CASP9: variants seen among roughly 807,000 people sequenced by gnomAD.
CASP9 encodes caspase 9, also known as caspase-9.
CASP9 carries 29 observed loss-of-function variants against 43.5 expected under a neutral mutation model. The observed-to-expected ratio is 0.67, with a 90% CI of 0.50 to 0.91. The LOEUF is 0.91. CASP9 is among the 40% of genes least tolerant of loss of function. CASP9 has a pLI of 0.00. For synonymous variants in CASP9, 206 were observed against 211.9 expected (o/e 0.97, Z 0.24); for missense variants, 575 against 537.4 (o/e 1.07, Z -0.69).
intron 8 of CASP9, chr1:15,493,346 G>T (rs934424346): frequency 7.2e-6 from 9 of 1,251,776 alleles, no homozygotes; most frequent in Middle Eastern, 3.1e-4. Flanking sequence ...GCCCATACAT[G>T]CTGCCTCCCA....
At chr1:15,516,295 GC>G (rs907766021) in intron 2 of CASP9, among the ~76,000 whole-genome samples, 13 of 150,654 alleles carry the variant, frequency 8.6e-5, no homozygotes, top group African/African-American at 3.2e-4. Flanking sequence ...ATCAAGACCA[GC>G]CTGGGCCACA....
In CASP9 at chr1:15,493,782, T is replaced by C. The variant is rs1443080400; in HGVS notation, c.1158+110A>G. 3.3e-6 allele frequency: 5 copies of C among 1,536,234 alleles called. 1 individual carries two copies. The highest frequency in any genetic ancestry group is 1.4e-5 in the African/African-American group (1 of 72,114). On this transcript the variant is annotated intron_variant, in intron 8 of 8. Coordinates refer to ENST00000333868, the MANE Select transcript of CASP9 (RefSeq NM_001229.5). ...GGCTCAGAGGCAGGAGTCTACTACCTTTTACCCTTGGTTTGGGCCTGCCCT... is the reference window on the plus strand; with the variant it reads ...GGCTCAGAGGCAGGAGTCTACTACCCTTTACCCTTGGTTTGGGCCTGCCCT...
chr1:15,505,983 T>C lies in CASP9; in HGVS notation c.720+7A>G. On this transcript the variant is annotated splice_region_variant and intron_variant, in intron 5 of 8. Coordinates refer to ENST00000333868, the MANE Select transcript of CASP9 (RefSeq NM_001229.5). The stretch of plus-strand genomic sequence containing the variant: ...GCCTGCCCAGGGAACAGTGGGAGGC[T>C]TCCTACCTGACAGCCGTGAGAGAGA... 6.2e-7 allele frequency: 1 copy of C among 1,612,270 alleles called. No individual in the cohort carries two copies. The highest frequency in any genetic ancestry group is 8.5e-7 in the Non-Finnish European group (1 of 1,178,282).
At chr1:15,524,533 T>G, upstream of CASP9, 6 of 306,460 alleles carry the variant, frequency 2.0e-5, no homozygotes, top group Non-Finnish European at 2.6e-5. Flanking sequence ...CGCTCCAGAA[T>G]CCACCACTGC....
chr1:15,508,917 G>A (rs1055032672), intron 2 of CASP9, among the ~76,000 whole-genome samples: 3 of 152,196 alleles, frequency 2.0e-5, no homozygotes, highest in African/African-American at 7.2e-5. Context: ...ACATGGCACT[G>A]GCCAGGTAGA....
Position 15,506,930 on chromosome 1 carries a change from A to C in CASP9, c.599T>G (p.Met200Arg). The change falls in exon 4 of 9, where the codon ATG becomes AGG. Residue 200 changes from methionine to arginine, a missense_variant. By Grantham distance (91) the Met-to-Arg change is moderately conservative. Transcript: ENST00000333868. ...AGTCAGGTCGCCCTTCACCTCCACC[A>C]TGAAATGCAGCGAGGAGAAGCGACG... ...LRRRFSSLHFMVEVKGDLTAK... is the reference protein window; with the variant it reads ...LRRRFSSLHFRVEVKGDLTAK... 6.2e-7 allele frequency: 1 copy of C among 1,613,400 alleles called. No individual in the cohort carries two copies. The highest frequency in any genetic ancestry group is 2.2e-5 in the East Asian group (1 of 44,820).
chr1:15,493,498 G>A (rs993548848), intron 8 of CASP9: 3 of 1,327,372 alleles, frequency 2.3e-6, no homozygotes, highest in Non-Finnish European at 2.9e-6. Context: ...GTACAAGGAG[G>A]GGTTCACAAT....
intron 6 of CASP9, among the ~76,000 whole-genome samples, chr1:15,500,185 T>A (rs768864716): frequency 1.1e-4 from 17 of 152,230 alleles, no homozygotes; most frequent in East Asian, 3.9e-4. Context: ...GAAATTTTTT[T>A]AAAAATAGGC....
intron 2 of CASP9, among the ~76,000 whole-genome samples, chr1:15,511,561 G>A (rs773229842): frequency 2.0e-5 from 3 of 151,986 alleles, no homozygotes; most frequent in Non-Finnish European, 4.4e-5. Flanking sequence ...ACACCACCAC[G>A]CCCAGCTAAT....
intron 7 of CASP9, 106 bp downstream of exon 7, chr1:15,495,167 C>T: frequency 1.9e-6 from 2 of 1,063,490 alleles, no homozygotes; most frequent in Non-Finnish European, 2.7e-6. Context: ...GGGCAAAAGA[C>T]AGAACCAGGA....
chr1:15,524,460 C>T (rs1710366369), upstream of CASP9: 3 of 1,060,456 alleles, frequency 2.8e-6, no homozygotes, highest in South Asian at 1.9e-5. Context: ...CCCATCACCG[C>T]GCCGCCCCAG....
rs1709553033 is a variant in CASP9, at chr1:15,507,033, T to C, written c.496A>G (p.Ile166Val). ...TCACGGCAGAAGTTCACATTGTTGA[T>C]AATGAGGCAGTGGCCACAGGGCTCC... is the stretch of plus-strand genomic sequence containing the variant. ...SMEPCGHCLIINNVNFCRESG... is the reference protein window; with the variant it reads ...SMEPCGHCLIVNNVNFCRESG... Residue 166 changes from isoleucine (I) to valine (V), a missense_variant, in exon 4 of 9, where the codon ATC becomes GTC. Coordinates refer to ENST00000333868, the MANE Select transcript of CASP9 (RefSeq NM_001229.5). 6.2e-7 allele frequency: 1 copy of C among 1,614,024 alleles called. No homozygotes were observed. Among genetic ancestry groups the C allele is most frequent in the African/African-American group, 1.3e-5 (1 of 74,908 alleles).
chr1:15,506,068 C>T lies in CASP9; in HGVS notation c.642G>A (p.Leu214=). 6.2e-7 allele frequency: 1 copy of T among 1,613,644 alleles called. No homozygotes were observed. The highest frequency in any genetic ancestry group is 8.5e-7 in the Non-Finnish European group (1 of 1,179,542). Residue 214 remains leucine, a synonymous_variant, in exon 5 of 9, where the codon CTG becomes CTA. Transcript: ENST00000333868. ...KGDLTAKKMV[L]ALLELAQQDH... is the part of the protein sequence containing the mutation. ...CCTGCTGCGCCAGCTCCAGCAAAGC[C>T]AGCACCATTTTCTACAAGAGAGGGC... is the stretch of plus-strand genomic sequence containing the variant.
upstream of CASP9, chr1:15,524,348 G>T (rs1175215086): frequency 1.4e-6 from 2 of 1,396,408 alleles, no homozygotes; most frequent in East Asian, 3.0e-5. Context: ...GCCTCCGGAC[G>T]CATCTCCAAG....
rs756865747 is a variant in CASP9, at chr1:15,517,935, G to A, written c.418+175C>T. 9.8e-4 allele frequency among the ~76,000 whole-genome samples: 149 copies of A among 152,160 alleles called. 2 individuals carry two copies. Among genetic ancestry groups the A allele is most frequent in the Admixed American group, 2.6e-4 (4 of 15,266 alleles). The stretch of plus-strand genomic sequence containing the variant: ...CCTCAACACATGCTTTTCAGAGGAG[G>A]GGCTGCCAAGATTCAACCTCCTGAA... On this transcript the variant is annotated intron_variant, in intron 2 of 8. Transcript: ENST00000333868.
intron 3 of CASP9, among the ~76,000 whole-genome samples, chr1:15,507,577 C>T (rs1407584263): frequency 6.6e-6 from 1 of 152,250 alleles, no homozygotes; most frequent in Non-Finnish European, 1.5e-5. Flanking sequence ...GCATGGGAGC[C>T]ACACAATAAA....
upstream of CASP9, chr1:15,524,625 G>A (rs1312797535): frequency 7.6e-6 from 7 of 917,708 alleles, no homozygotes; most frequent in Non-Finnish European, 7.5e-6. Flanking sequence ...CCCGCCCGCA[G>A]GACGCATCTC....
chr1:15,495,044 G>C (rs565224343), intron 7 of CASP9, among the ~76,000 whole-genome samples: 44 of 151,980 alleles, frequency 2.9e-4, no homozygotes, highest in African/African-American at 1.0e-3. Context: ...AGGCAGAGGA[G>C]AGGCAAGTGA....
At chr1:15,499,163 C>T (rs1709228724) in intron 6 of CASP9, among the ~76,000 whole-genome samples, 1 of 152,168 alleles carries the variant, frequency 6.6e-6, no homozygotes, top group African/African-American at 2.4e-5. Flanking sequence ...AGGGGTTTCC[C>T]CCCAGACAGA....
Sources: allele counts gnomAD v4.1 joint callset (sites outside exome capture counted in the v4.1 genomes callset), GRCh38; gene constraint gnomAD v4.1.1; transcripts MANE v1.5; gene names NCBI Gene and HGNC (gene_info 2026-07-23, HGNC 2026-07-21).